The following USP37 variants were observed in gnomAD, a reference collection of about 807,000 sequenced individuals.
USP37 encodes ubiquitin specific peptidase 37.
USP37 carries 27 observed loss-of-function variants against 124.0 expected under a neutral mutation model. The ratio of observed to expected loss-of-function variants is 0.22; its 90% CI spans 0.16 to 0.30. USP37 has a LOEUF of 0.30. USP37 is among the 10% of genes least tolerant of loss of function. USP37 has a pLI of 1.00. For missense variants in USP37, 889 were observed against 1,140.4 expected (o/e 0.78, Z 3.17); for synonymous variants, 365 against 388.0 (o/e 0.94, Z 0.70).
chr2:218,516,778 A>AC (rs563081672), intron 10 of USP37, among the ~76,000 whole-genome samples: 45 of 151,456 alleles, frequency 3.0e-4, no homozygotes, highest in African/African-American at 1.0e-3. Context: ...GCTTCAAGGT[A>AC]CCCCCCCTAG....
At chr2:218,508,577 G>A (rs1689806868) in intron 11 of USP37, among the ~76,000 whole-genome samples, 1 of 152,112 alleles carries the variant, frequency 6.6e-6, no homozygotes, top group South Asian at 2.1e-4. Flanking sequence ...CAGAGACACA[G>A]ACCCAGATGA....
chr2:218,497,979 TC>T, intron 12 of USP37, 46 bp downstream of exon 12: 1 of 1,568,228 alleles, frequency 6.4e-7, no homozygotes, highest in Non-Finnish European at 8.6e-7. Context: ...TATTCTATAA[TC>T]AATGAAGTAA....
At chr2:218,465,326 T>A (rs1174213298) in intron 21 of USP37, among the ~76,000 whole-genome samples, 4 of 151,368 alleles carry the variant, frequency 2.6e-5, no homozygotes, top group African/African-American at 9.7e-5. Flanking sequence ...TCTGTAGTCC[T>A]AGCACTTTAG....
chr2:218,474,914 A>G, intron 19 of USP37, 29 bp from the exon 20 acceptor site: 2 of 1,580,568 alleles, frequency 1.3e-6, no homozygotes, highest in Non-Finnish European at 1.7e-6. Flanking sequence ...TTTAGAAGAA[A>G]CCAGAATACC....
intron 10 of USP37, chr2:218,514,338 A>G (rs1396285933): frequency 6.6e-6 from 1 of 152,154 alleles, no homozygotes; most frequent in Admixed American, 6.5e-5. Flanking sequence ...AGTAGTTGTC[A>G]TGTTTCTTTA....
chr2:218,463,844 AT>A (rs1368970312), intron 21 of USP37, among the ~76,000 whole-genome samples: 1 of 119,810 alleles, frequency 8.3e-6, no homozygotes, highest in Non-Finnish European at 1.7e-5. Flanking sequence ...CCACTCCAGT[AT>A]TTTTTAAGAT....
At chr2:218,484,955 C>T (rs2105977582) in intron 16 of USP37, among the ~76,000 whole-genome samples, 1 of 152,232 alleles carries the variant, frequency 6.6e-6, no homozygotes, top group Non-Finnish European at 1.5e-5. Context: ...AAGTTAATTT[C>T]ATTCCTATAT....
intron 24 of USP37, among the ~76,000 whole-genome samples, chr2:218,456,526 A>T (rs905534229): frequency 4.6e-5 from 7 of 152,106 alleles, no homozygotes. Context: ...AAGGAGGCAT[A>T]TGCTACACTG....
chr2:218,554,820 T>C (rs1391364029), intron 4 of USP37, among the ~76,000 whole-genome samples: 1 of 152,056 alleles, frequency 6.6e-6, no homozygotes, highest in Non-Finnish European at 1.5e-5. Context: ...TTTGGCAAAT[T>C]ATTTAGGTAG....
Position 218,476,945 on chromosome 2 carries a change from T to C in USP37, c.1938A>G (p.Leu646=). ...FTFKSKSSLA[L]CLDSDSEDEL... ...CATCCTCACTGTCTGAATCAAGGCA[T>C]AAAGCCAAGGAGCTCTTGGATTTGA... Residue 646 remains leucine, a synonymous_variant, in exon 19 of 26, where the codon TTA becomes TTG. Coordinates refer to ENST00000258399, the MANE Select transcript of USP37 (RefSeq NM_020935.3). 1.3e-6 allele frequency: 2 copies of C among 1,575,796 alleles called. No individual in the cohort carries two copies. Among genetic ancestry groups the C allele is most frequent in the Middle Eastern group, 1.7e-4 (1 of 5,928 alleles).
At chr2:218,556,319 T>A (rs1692970879) in intron 4 of USP37, among the ~76,000 whole-genome samples, 1 of 152,002 alleles carries the variant, frequency 6.6e-6, no homozygotes. Context: ...TCACTTCCAG[T>A]TTGGCCAGAA....
At chr2:218,558,436 A>C (rs899053874) in intron 4 of USP37, 62 bp downstream of exon 4, 2 of 1,490,018 alleles carry the variant, frequency 1.3e-6, no homozygotes, top group South Asian at 1.3e-5. Context: ...ACTATGGCAC[A>C]GAATAGCTAT....
chr2:218,551,277 G>A (rs1274018069), intron 5 of USP37, among the ~76,000 whole-genome samples: 3 of 151,996 alleles, frequency 2.0e-5, no homozygotes, highest in Admixed American at 1.3e-4. Context: ...AACCACCTTT[G>A]GGCAGCTAAA....
intron 8 of USP37, among the ~76,000 whole-genome samples, chr2:218,536,104 G>A (rs1691632157): frequency 6.7e-6 from 1 of 149,344 alleles, no homozygotes. Flanking sequence ...TATTTGCTAA[G>A]CAGCAACAGC....
chr2:218,486,049 C>A, intron 15 of USP37: 1 of 270,406 alleles, frequency 3.7e-6, no homozygotes, highest in Non-Finnish European at 6.8e-6. Context: ...TCCCCATGGA[C>A]ACATATGAAC....
At chr2:218,538,770 G>A (rs1691802640) in intron 8 of USP37, among the ~76,000 whole-genome samples, 1 of 152,100 alleles carries the variant, frequency 6.6e-6, no homozygotes, top group Non-Finnish European at 1.5e-5. Flanking sequence ...AAAAAAGACA[G>A]CAATTAATCC....
intron 10 of USP37, among the ~76,000 whole-genome samples, chr2:218,510,922 G>A (rs1689949324): frequency 6.6e-6 from 1 of 152,068 alleles, no homozygotes; most frequent in South Asian, 2.1e-4. Context: ...TTGAGCCTGG[G>A]AGGCAGAGGT....
chr2:218,479,412 A>G (rs902993903), intron 18 of USP37, among the ~76,000 whole-genome samples: 10 of 152,234 alleles, frequency 6.6e-5, no homozygotes, highest in African/African-American at 2.2e-4. Context: ...ATAAGTTTTT[A>G]AAAGTTTTAA....
At chr2:218,557,930 C>CAAAAAAAAAAAAAAAAAAAAAAAAAA (rs61488353) in intron 4 of USP37, among the ~76,000 whole-genome samples, 4 of 35,666 alleles carry the variant, frequency 1.1e-4, no homozygotes, top group South Asian at 2.9e-3. Context: ...GACTCTGTCT[C>CAAAAAAAAAAAAAAAAAAAAAAAAAA]AAAAAAAAAA....
Sources: gnomAD v4.1 joint callset for allele counts (sites outside exome capture counted in the v4.1 genomes callset) on GRCh38, gnomAD v4.1.1 for gene constraint, MANE v1.5 for transcripts, NCBI Gene and HGNC (gene_info 2026-07-23, HGNC 2026-07-21) for gene names.